NEK11: variants seen among roughly 807,000 people sequenced by gnomAD.
NEK11 encodes serine/threonine-protein kinase Nek11.
A neutral mutation model predicts 80.7 loss-of-function variants in NEK11; 72 were observed. The observed-to-expected ratio is 0.89, with a 90% CI of 0.74 to 1.08. The LOEUF is 1.08. Ranked by LOEUF, NEK11 falls within the 50% of genes least tolerant of loss-of-function variation. NEK11 has a pLI of 0.00. For synonymous variants in NEK11, 251 were observed against 260.7 expected (o/e 0.96, Z 0.36); for missense variants, 764 against 763.6 (o/e 1.00, Z -0.01).
intron 14 of NEK11, among the ~76,000 whole-genome samples, chr3:131,227,554 A>G (rs1278076807): frequency 1.3e-5 from 2 of 152,152 alleles, no homozygotes. Flanking sequence ...CCCAAATTTC[A>G]TATTTTTCCC....
intron 3 of NEK11, among the ~76,000 whole-genome samples, chr3:131,054,120 G>T (rs2068913173): frequency 1.3e-5 from 2 of 152,204 alleles, no homozygotes; most frequent in South Asian, 4.1e-4. Context: ...GGAGGCCAAG[G>T]CTGGTGGATC....
intron 17 of NEK11, among the ~76,000 whole-genome samples, chr3:131,284,289 C>G (rs1486307672): frequency 6.6e-6 from 1 of 152,220 alleles, no homozygotes; most frequent in Non-Finnish European, 1.5e-5. Flanking sequence ...TGTCAGCCAG[C>G]TTGTCCCTGC....
At chr3:131,033,270 TAGA>T (rs1251774895) in intron 3 of NEK11, among the ~76,000 whole-genome samples, 1 of 152,178 alleles carries the variant, frequency 6.6e-6, no homozygotes, top group Non-Finnish European at 1.5e-5. Context: ...GCAATTTGAC[TAGA>T]TAAGGTTTTA....
intron 5 of NEK11, among the ~76,000 whole-genome samples, chr3:131,120,434 G>A (rs1278086110): frequency 6.6e-6 from 1 of 152,072 alleles, no homozygotes; most frequent in East Asian, 1.9e-4. Context: ...TTCAACTTTG[G>A]TGAAACTGAT....
intron 17 of NEK11, chr3:131,325,014 A>G (rs1007997197): frequency 2.0e-5 from 3 of 152,204 alleles, no homozygotes; most frequent in Non-Finnish European, 4.4e-5. Flanking sequence ...TCAATCTGAA[A>G]ATAATGACTT....
At chr3:131,269,981 G>C (rs573902410) in intron 16 of NEK11, among the ~76,000 whole-genome samples, 3 of 152,288 alleles carry the variant, frequency 2.0e-5, no homozygotes, top group East Asian at 3.9e-4. Flanking sequence ...ACCTGGGAAG[G>C]TTCCTCTGCC....
intron 5 of NEK11, among the ~76,000 whole-genome samples, chr3:131,132,446 G>A (rs2084667579): frequency 6.6e-6 from 1 of 151,992 alleles, no homozygotes; most frequent in Non-Finnish European, 1.5e-5. Flanking sequence ...ACTGGATATA[G>A]TACTATGTAG....
At chr3:131,142,150 T>C (rs1466371228) in intron 7 of NEK11, among the ~76,000 whole-genome samples, 1 of 152,208 alleles carries the variant, frequency 6.6e-6, no homozygotes, top group Non-Finnish European at 1.5e-5. Context: ...AGAAAGAGCA[T>C]GTGTCTGCCT....
chr3:131,272,467 T>C (rs1420839486), intron 16 of NEK11, among the ~76,000 whole-genome samples: 1 of 103,926 alleles, frequency 9.6e-6, no homozygotes, highest in East Asian at 2.6e-4. Context: ...TAGCTTCTTT[T>C]TTTTTTTTTT....
chr3:131,271,341 A>G (rs1025672760), intron 16 of NEK11, among the ~76,000 whole-genome samples: 1 of 152,240 alleles, frequency 6.6e-6, no homozygotes, highest in East Asian at 1.9e-4. Flanking sequence ...ATCTAGTCCA[A>G]GGAAAGATCA....
chr3:131,203,687 C>CAT (rs1246416495), intron 14 of NEK11, among the ~76,000 whole-genome samples: 1 of 132,642 alleles, frequency 7.5e-6, no homozygotes, highest in Non-Finnish European at 1.6e-5. Context: ...ACATAAAGTT[C>CAT]ATATATATAT....
intron 16 of NEK11, among the ~76,000 whole-genome samples, chr3:131,257,160 T>A (rs2095831312): frequency 6.6e-6 from 1 of 151,494 alleles, no homozygotes; most frequent in Admixed American, 6.6e-5. Flanking sequence ...TAATTTTTTT[T>A]TTTTTTTGTA....
rs965438575 is a variant in NEK11, at chr3:131,287,271, CTTTG to C, written c.1718+13713_1718+13716del. Among the ~76,000 whole-genome samples, 24 of 152,178 alleles carry C rather than the reference CTTTG, an allele frequency of 1.6e-4. 1 individual carries two copies. The highest frequency in any genetic ancestry group is 1.4e-3 in the East Asian group (7 of 5,142). On this transcript the variant is annotated intron_variant, in intron 17 of 17. Transcript: ENST00000383366. ...TTTCAAGGATGGTCCAAAGATGTTT[CTTTG>C]TTTGTTTGTTTGTTTTCAGACAAGG...
At chr3:131,116,944 G>A (rs984683513) in intron 5 of NEK11, among the ~76,000 whole-genome samples, 3 of 152,118 alleles carry the variant, frequency 2.0e-5, no homozygotes, top group Admixed American at 1.3e-4. Context: ...CACTCTGATG[G>A]TAGTTTCTTT....
chr3:131,194,250 AT>A, intron 14 of NEK11, among the ~76,000 whole-genome samples: 1 of 152,192 alleles, frequency 6.6e-6, no homozygotes, highest in Non-Finnish European at 1.5e-5. Context: ...GTAAAGATAT[AT>A]AGTTATTTTT....
At chr3:131,268,865 A>G (rs1561291225) in intron 16 of NEK11, among the ~76,000 whole-genome samples, 1 of 152,226 alleles carries the variant, frequency 6.6e-6, no homozygotes, top group Non-Finnish European at 1.5e-5. Flanking sequence ...AAGCTGTGCC[A>G]CAGCCTCCCC....
intron 5 of NEK11, among the ~76,000 whole-genome samples, chr3:131,126,168 G>T (rs988104701): frequency 6.6e-6 from 1 of 152,138 alleles, no homozygotes; most frequent in African/African-American, 2.4e-5. Context: ...CAGGATTTCA[G>T]TTCTACTTCC....
intron 14 of NEK11, among the ~76,000 whole-genome samples, chr3:131,224,826 T>A (rs2095141385): frequency 6.6e-6 from 1 of 152,190 alleles, no homozygotes; most frequent in Non-Finnish European, 1.5e-5. Context: ...GAAAAAATGC[T>A]TATTGACTAT....
At chr3:131,079,714 A>G (rs1316322959) in intron 3 of NEK11, among the ~76,000 whole-genome samples, 1 of 152,210 alleles carries the variant, frequency 6.6e-6, no homozygotes. Flanking sequence ...TATACATGTT[A>G]GAAATACTAA....
Sources: gnomAD v4.1 joint callset for allele counts (sites outside exome capture counted in the v4.1 genomes callset) on GRCh38, gnomAD v4.1.1 for gene constraint, MANE v1.5 for transcripts, NCBI Gene and HGNC (gene_info 2026-07-23, HGNC 2026-07-21) for gene names.